Variants in AEBP2 observed in about 807,000 individuals in gnomAD.
AEBP2 encodes the protein AE binding protein 2.
Under a neutral mutation model 50.8 loss-of-function variants are expected in AEBP2, and 10 were observed. The observed-to-expected ratio is 0.20, with a 90% confidence interval of 0.12 to 0.33. The LOEUF (loss-of-function observed/expected upper bound fraction) is 0.33, where lower values mean the gene tolerates loss of function less well. Among genes scored for constraint, AEBP2 ranks in the 10% least tolerant of loss-of-function variants. The pLI is 1.00. For synonymous variants in AEBP2, 296 were observed against 261.3 expected (o/e 1.13, Z -1.28); for missense variants, 570 against 688.0 (o/e 0.83, Z 1.92).
At chr12:19,471,125 T>G (rs541952076) in intron 2 of AEBP2, among the ~76,000 whole-genome samples, 127 of 152,294 alleles carry the variant, frequency 8.3e-4, no homozygotes, top group Non-Finnish European at 1.3e-3. Flanking sequence ...GTTGTGTTTT[T>G]TTTTCTTGAG....
intron 2 of AEBP2, among the ~76,000 whole-genome samples, chr12:19,469,344 G>C (rs1948536989): frequency 6.6e-6 from 1 of 152,164 alleles, no homozygotes; most frequent in African/African-American, 2.4e-5. Context: ...TATAAACCCA[G>C]TTGTTTCATT....
chr12:19,421,344 CAAAAA>C (rs375160231), intron 1 of AEBP2, among the ~76,000 whole-genome samples: 3 of 82,448 alleles, frequency 3.6e-5, no homozygotes, highest in East Asian at 7.1e-4. Flanking sequence ...GACTCTGTCT[CAAAAA>C]AAAAAAAAAA....
intron 3 of AEBP2, among the ~76,000 whole-genome samples, chr12:19,480,653 C>G (rs1847176817): frequency 1.3e-5 from 2 of 152,182 alleles, no homozygotes; most frequent in South Asian, 4.1e-4. Flanking sequence ...GCTGAGAAGT[C>G]TGCTGTTAAT....
chr12:19,504,475 T>G (rs1368507030), intron 5 of AEBP2, among the ~76,000 whole-genome samples: 2 of 151,904 alleles, frequency 1.3e-5, no homozygotes, highest in Non-Finnish European at 1.5e-5. Flanking sequence ...CTCCTGACCT[T>G]GTGATCCACC....
At chr12:19,470,246 C>T (rs541785494) in intron 2 of AEBP2, among the ~76,000 whole-genome samples, 5 of 152,006 alleles carry the variant, frequency 3.3e-5, no homozygotes, top group Admixed American at 2.6e-4. Context: ...GAACCTCCCC[C>T]TCCCAGGTTC....
At chr12:19,501,886 A>G (rs774961716) in intron 5 of AEBP2, among the ~76,000 whole-genome samples, 11 of 139,222 alleles carry the variant, frequency 7.9e-5, no homozygotes, top group Non-Finnish European at 1.2e-4. Flanking sequence ...CGTGGTTACA[A>G]CCAACCACGG....
chr12:19,474,998 G>A (rs1221657573), intron 3 of AEBP2, among the ~76,000 whole-genome samples: 3 of 152,088 alleles, frequency 2.0e-5, no homozygotes, highest in African/African-American at 7.2e-5. Context: ...TCACCATGTT[G>A]GCCAGGCTGG....
At position 19,439,696 on chromosome 12, in the gene AEBP2, C is replaced by A. The variant is rs889611030; in HGVS notation, c.-4C>A. On this transcript the variant is annotated 5_prime_UTR_variant, in exon 1 of 8. Transcript: ENST00000266508. ...GAGGAGGAGGAGGAGGAGCAGGCGC[C>A]GCCATGGCCGCCGCTATCACCGACA... 6.6e-7 allele frequency: 1 copy of A among 1,514,130 alleles called. No individual in the cohort carries two copies. Among genetic ancestry groups the A allele is most frequent in the South Asian group, 1.2e-5 (1 of 83,124 alleles). The allele number at this position is 1,514,130 out of a possible 1,614,324, so 93.8% of individuals were successfully genotyped here.
intron 2 of AEBP2, among the ~76,000 whole-genome samples, chr12:19,466,182 C>A (rs957344978): frequency 2.6e-5 from 4 of 152,068 alleles, no homozygotes; most frequent in African/African-American, 9.6e-5. Context: ...TTTAAAAAAA[C>A]AAAAACATTT....
intron 3 of AEBP2, among the ~76,000 whole-genome samples, chr12:19,478,384 T>C (rs996005604): frequency 6.6e-6 from 1 of 152,078 alleles, no homozygotes; most frequent in Admixed American, 6.6e-5. Flanking sequence ...CAACCTCTGC[T>C]TCCTGGGTTC....
chr12:19,435,147 T>G (rs2095753527), upstream of AEBP2, among the ~76,000 whole-genome samples: 1 of 151,304 alleles, frequency 6.6e-6, no homozygotes, highest in African/African-American at 2.4e-5. Flanking sequence ...TTTTTTTTTT[T>G]GAGACAAAGT....
At position 19,443,282 on chromosome 12, in the gene AEBP2, A is replaced by T. The variant is rs149593408; in HGVS notation, c.671+2912A>T. Among the ~76,000 whole-genome samples, 234 of 151,788 alleles carry T rather than the reference A, an allele frequency of 1.5e-3. 1 individual carries two copies. Among genetic ancestry groups the T allele is most frequent in the African/African-American group, 5.3e-3 (219 of 41,476 alleles). ...TGGCTAATTTTTGTTTTTAGTAGAG[A>T]TGCGATTTCACCATGTTGTCCAGGC... On this transcript the variant is annotated intron_variant, in intron 1 of 7. Coordinates refer to ENST00000266508, the MANE Select transcript of AEBP2 (RefSeq NM_153207.5).
At chr12:19,411,512 C>A (rs1381520794) in intron 1 of AEBP2, among the ~76,000 whole-genome samples, 1 of 151,954 alleles carries the variant, frequency 6.6e-6, no homozygotes, top group African/African-American at 2.4e-5. Context: ...TTGGCCAGGG[C>A]CTTTTTGCAT....
rs77834318 is a variant in AEBP2 at position 19,424,300 on chromosome 12, C to G, written c.-17+20084C>G. Reference sequence around the variant, plus strand: ...TGCTCATGAACAGCAGAGAAGGAGCCAGTACAGAGGACAGTGTTGAACACA... The same window carrying G: ...TGCTCATGAACAGCAGAGAAGGAGCGAGTACAGAGGACAGTGTTGAACACA... On this transcript the variant is annotated intron_variant, in intron 1 of 3. Transcript: ENST00000538425. Among the ~76,000 whole-genome samples, 17 of 152,018 alleles carry G rather than the reference C, an allele frequency of 1.1e-4. 1 individual carries two copies. In the East Asian group the frequency reaches 3.3e-3, roughly 29 times the overall value.
intron 2 of AEBP2, among the ~76,000 whole-genome samples, chr12:19,466,496 T>C (rs1399635565): frequency 1.3e-5 from 2 of 152,174 alleles, no homozygotes; most frequent in African/African-American, 2.4e-5. Flanking sequence ...TCAGGGGCTT[T>C]AAGTACATTC....
At chr12:19,513,308 C>A (rs1297962756) in intron 6 of AEBP2, among the ~76,000 whole-genome samples, 1 of 128,398 alleles carries the variant, frequency 7.8e-6, no homozygotes, top group African/African-American at 2.8e-5. Context: ...GAGCTTAGTT[C>A]ATATATTTCA....
chr12:19,405,389 G>T (rs948292339), intron 1 of AEBP2, among the ~76,000 whole-genome samples: 1 of 150,734 alleles, frequency 6.6e-6, no homozygotes, highest in Non-Finnish European at 1.5e-5. Flanking sequence ...GCAGTGGCGC[G>T]ATCTCGGCTC....
chr12:19,444,079 T>G (rs1472869900), intron 1 of AEBP2, among the ~76,000 whole-genome samples: 1 of 152,208 alleles, frequency 6.6e-6, no homozygotes, highest in Non-Finnish European at 1.5e-5. Flanking sequence ...GAACTTTTTT[T>G]CTCTTCAGTG....
At chr12:19,446,377 C>G (rs1311126112) in intron 1 of AEBP2, among the ~76,000 whole-genome samples, 1 of 152,098 alleles carries the variant, frequency 6.6e-6, no homozygotes, top group Non-Finnish European at 1.5e-5. Flanking sequence ...TTTGGAAGGC[C>G]AAGGTGGGAG....
Sources: allele counts gnomAD v4.1 joint callset (sites outside exome capture counted in the v4.1 genomes callset), GRCh38; gene constraint gnomAD v4.1.1; transcripts MANE v1.5; gene names NCBI Gene and HGNC (gene_info 2026-07-23, HGNC 2026-07-21).